Variants in ANKRD27 observed in about 807,000 individuals in gnomAD.
The protein encoded by ANKRD27 is ankyrin repeat domain 27, also known as ankyrin repeat domain-containing protein 27.
A neutral mutation model predicts 129.7 loss-of-function variants in ANKRD27; 112 were observed. The ratio of observed to expected loss-of-function variants is 0.86; its 90% CI spans 0.74 to 1.01. The LOEUF is 1.01. Among genes scored for constraint, ANKRD27 ranks in the 50% least tolerant of loss-of-function variants. The pLI, the probability that ANKRD27 is intolerant of heterozygous loss-of-function variation, is 0.00. For missense variants in ANKRD27, 1,258 were observed against 1,300.5 expected, an observed-to-expected ratio of 0.97 and a Z score of 0.50; for synonymous variants, 516 against 511.2, an observed-to-expected ratio of 1.01 and a Z score of -0.13.
chr19:32,656,142 A>G (rs548112620), intron 2 of ANKRD27, among the ~76,000 whole-genome samples: 1 of 143,042 alleles, frequency 7.0e-6, no homozygotes, highest in Non-Finnish European at 1.5e-5. Flanking sequence ...GAAAAGAAAA[A>G]GAAAAGCCTG....
At chr19:32,599,060 A>T (rs948530525) in intron 28 of ANKRD27, among the ~76,000 whole-genome samples, 4 of 152,186 alleles carry the variant, frequency 2.6e-5, no homozygotes, top group African/African-American at 9.7e-5. Flanking sequence ...CGGGCAGATC[A>T]CTTGAGGTCA....
intron 3 of ANKRD27, among the ~76,000 whole-genome samples, chr19:32,649,252 C>T (rs1169220229): frequency 6.6e-6 from 1 of 152,094 alleles, no homozygotes; most frequent in Non-Finnish European, 1.5e-5. Flanking sequence ...GAATTATAGG[C>T]GTAGGCCACC....
chr19:32,646,527 T>G lies in ANKRD27; in HGVS notation c.302A>C (p.Tyr101Ser). The G allele has an allele frequency of 6.2e-7, 1 of 1,614,082 alleles. No individual in the cohort carries two copies. The highest frequency in any genetic ancestry group is 2.2e-5 in the East Asian group (1 of 44,888). The change falls in exon 4 of 29, where the codon TAC becomes TCC. Residue 101 changes from tyrosine to serine, a missense_variant. Transcript: ENST00000306065. ...GCTGAAACTCTCTTCTTTTTCATTG[T>G]AGAAAGTTTCTTCAAAGAGAATGGG... The part of the protein sequence containing the change: ...SVPILFEETF[Y>S]NEKEESFSIL...
In ANKRD27 at chr19:32,624,576, G is replaced by A. The variant is rs73571616; in HGVS notation, c.1629+1298C>T. On this transcript the variant is annotated intron_variant, in intron 17 of 28. Coordinates refer to ENST00000306065, the MANE Select transcript of ANKRD27 (RefSeq NM_032139.3). ...TATGGAGAGAAGCCAGAAGGAGGGC[G>A]GGTAGGAAAAAATAAGCACATAGTG... Among the ~76,000 whole-genome samples the A allele has an allele frequency of 1.8e-3, 278 of 152,186 alleles. 2 individuals carry two copies. The highest frequency in any genetic ancestry group is 6.4e-3 in the African/African-American group (264 of 41,522).
chr19:32,672,252 G>A (rs115273093), intron 1 of ANKRD27, among the ~76,000 whole-genome samples: 5,642 of 152,326 alleles, frequency 0.037, 121 homozygotes, highest in Middle Eastern at 0.071. Flanking sequence ...GGCGAAAAAC[G>A]AAAACTTTCT....
At chr19:32,660,145 G>A (rs1902299362) in intron 1 of ANKRD27, among the ~76,000 whole-genome samples, 1 of 152,188 alleles carries the variant, frequency 6.6e-6, no homozygotes, top group African/African-American at 2.4e-5. Context: ...TGGTCTAAAT[G>A]TTTATGTCCC....
At chr19:32,673,321 T>G in intron 1 of ANKRD27, 4 of 985,924 alleles carry the variant, frequency 4.1e-6, no homozygotes, top group Non-Finnish European at 4.8e-6. Flanking sequence ...GCTCCCATCC[T>G]GCATCCCCTC....
chr19:32,667,460 A>C (rs1967781536), intron 1 of ANKRD27, among the ~76,000 whole-genome samples: 1 of 152,204 alleles, frequency 6.6e-6, no homozygotes, highest in Non-Finnish European at 1.5e-5. Flanking sequence ...GGCATATGCC[A>C]CCATCCTTGG....
chr19:32,622,955 T>A (rs878986858), intron 17 of ANKRD27, among the ~76,000 whole-genome samples: 23 of 149,734 alleles, frequency 1.5e-4, no homozygotes, highest in East Asian at 3.9e-4. Flanking sequence ...TTTTTTTTTT[T>A]AATTTTTTTT....
chr19:32,603,823 G>A (rs2145256942), intron 25 of ANKRD27, among the ~76,000 whole-genome samples: 1 of 152,264 alleles, frequency 6.6e-6, no homozygotes, highest in South Asian at 2.1e-4. Context: ...ACAGGCATGA[G>A]CCACTGTGCC....
intron 2 of ANKRD27, among the ~76,000 whole-genome samples, chr19:32,658,255 C>T (rs1291530851): frequency 6.6e-6 from 1 of 152,184 alleles, no homozygotes; most frequent in African/African-American, 2.4e-5. Flanking sequence ...CCAGTGCCGT[C>T]TAAGTAGGAT....
intron 22 of ANKRD27, among the ~76,000 whole-genome samples, chr19:32,614,539 A>G (rs1291649994): frequency 1.3e-5 from 2 of 152,044 alleles, no homozygotes; most frequent in African/African-American, 4.8e-5. Flanking sequence ...CCCTGTCTCC[A>G]CTAAAAATAC....
At chr19:32,640,188 C>A in intron 11 of ANKRD27, 119 bp downstream of exon 11, 3 of 667,424 alleles carry the variant, frequency 4.5e-6, no homozygotes, top group Non-Finnish European at 8.0e-6. Flanking sequence ...TGGTCTCGAT[C>A]TCCTGACCTC....
intron 4 of ANKRD27, among the ~76,000 whole-genome samples, chr19:32,645,335 C>A (rs999183172): frequency 1.8e-4 from 27 of 152,142 alleles, no homozygotes; most frequent in African/African-American, 6.5e-4. Context: ...TCGCTTGAAC[C>A]CGGGAGCTGG....
At chr19:32,654,319 T>TGA (rs1381583158) in intron 2 of ANKRD27, among the ~76,000 whole-genome samples, 1 of 152,206 alleles carries the variant, frequency 6.6e-6, no homozygotes, top group African/African-American at 2.4e-5. Flanking sequence ...GGCAACATAG[T>TGA]GAGACCCCAT....
In ANKRD27 at chr19:32,659,434, G is replaced by A. The variant is rs561600589; in HGVS notation, c.-30-389C>T. ...CTCCAAATAAAAAAGGATTCATGAC[G>A]TGCCATTTTTTTCTCCCACAGACTC... is the stretch of plus-strand genomic sequence containing the variant. On this transcript the variant is annotated intron_variant, in intron 1 of 28. Transcript: ENST00000306065. Among the ~76,000 whole-genome samples, 62 of 152,140 alleles carry A rather than the reference G, an allele frequency of 4.1e-4. 1 individual carries two copies. The highest frequency in any genetic ancestry group is 1.3e-3 in the African/African-American group (55 of 41,502).
chr19:32,646,520 T>C lies in ANKRD27; in HGVS notation c.309A>G (p.Glu103=), dbSNP rs762195312. Residue 103 remains glutamate (E), a synonymous_variant, in exon 4 of 29, where the codon GAA becomes GAG. Coordinates refer to ENST00000306065, the MANE Select transcript of ANKRD27 (RefSeq NM_032139.3). ...ACAGGATGCTGAAACTCTCTTCTTT[T>C]TCATTGTAGAAAGTTTCTTCAAAGA... ...PILFEETFYN[E]KEESFSILCI... The C allele has an allele frequency of 6.2e-7, 1 of 1,614,180 alleles. No homozygotes were observed. The highest frequency in any genetic ancestry group is 8.5e-7 in the Non-Finnish European group (1 of 1,180,002).
At chr19:32,667,832 C>CA (rs10667176) in intron 1 of ANKRD27, among the ~76,000 whole-genome samples, 14,203 of 134,826 alleles carry the variant, frequency 0.11, 2,364 homozygotes, top group African/African-American at 0.35. Context: ...AACTCCGTCT[C>CA]AAAAAAAAAA....
In ANKRD27 at chr19:32,627,484, C is replaced by T. The variant is rs1966910401; in HGVS notation, c.1420+599G>A. On this transcript the variant is annotated intron_variant, in intron 15 of 28. Coordinates refer to ENST00000306065, the MANE Select transcript of ANKRD27 (RefSeq NM_032139.3). The stretch of plus-strand genomic sequence containing the variant: ...TGCTATCTCAGCTCACTACAACCTC[C>T]ACCTTCTAGGTTCAAGCAATTCTTC... Among the ~76,000 whole-genome samples, 3 of 151,336 alleles carry T rather than the reference C, an allele frequency of 2.0e-5. No homozygotes were observed. In the South Asian group the frequency reaches 6.3e-4, roughly 32 times the overall value.
Sources: gnomAD v4.1 joint callset for allele counts (sites outside exome capture counted in the v4.1 genomes callset) on GRCh38, gnomAD v4.1.1 for gene constraint, MANE v1.5 for transcripts, NCBI Gene and HGNC (gene_info 2026-07-23, HGNC 2026-07-21) for gene names.